SORT1: variants seen among roughly 807,000 people sequenced by gnomAD.
The protein encoded by SORT1 is sortilin 1.
SORT1 carries 39 observed loss-of-function variants against 101.7 expected under a neutral mutation model. The observed-to-expected ratio is 0.38, with a 90% CI of 0.30 to 0.50. The LOEUF is 0.50. Among genes scored for constraint, SORT1 ranks in the 20% least tolerant of loss-of-function variants. The probability of loss-of-function intolerance (pLI) is 0.90; values close to 1 mark genes in which losing one functional copy is unlikely to be tolerated. For missense variants in SORT1, 878 were observed against 1,040.4 expected, an observed-to-expected ratio of 0.84 and a Z score of 2.15; for synonymous variants, 396 against 393.7, an observed-to-expected ratio of 1.01 and a Z score of -0.07.
chr1:109,327,512 A>G lies in SORT1; in HGVS notation c.1461T>C (p.Ile487=), dbSNP rs372753900. Residue 487 remains isoleucine (I), a synonymous_variant, in exon 12 of 20, where the codon ATT becomes ATC. Coordinates refer to ENST00000256637, the MANE Select transcript of SORT1 (RefSeq NM_002959.7). Reference sequence around the variant, plus strand: ...GAGGTTCCTTACCATGAGCAATGACAATGCCTACGGCATTCGGCTCTGAGA... The same window carrying G: ...GAGGTTCCTTACCATGAGCAATGACGATGCCTACGGCATTCGGCTCTGAGA... ...APLSEPNAVG[I]VIAHGSVGDA... 3.7e-6 allele frequency: 6 copies of G among 1,604,786 alleles called. No homozygotes were observed. The African/African-American group carries it at 8.1e-5, about 22-fold the overall frequency.
intron 1 of SORT1, among the ~76,000 whole-genome samples, chr1:109,382,116 C>T (rs945593499): frequency 6.6e-6 from 1 of 151,708 alleles, no homozygotes; most frequent in African/African-American, 2.4e-5. Context: ...ATAAAAAGTA[C>T]ACATAGACCA....
intron 8 of SORT1, among the ~76,000 whole-genome samples, chr1:109,344,458 C>T (rs1196631564): frequency 6.6e-6 from 1 of 152,170 alleles, no homozygotes; most frequent in Non-Finnish European, 1.5e-5. Flanking sequence ...CCCCATACTG[C>T]CCTTCTCCCC....
chr1:109,395,866 G>C (rs911761066), intron 1 of SORT1, among the ~76,000 whole-genome samples: 1 of 152,104 alleles, frequency 6.6e-6, no homozygotes, highest in African/African-American at 2.4e-5. Flanking sequence ...CTTGAGCCCA[G>C]GAGTTCAAGA....
At chr1:109,384,359 T>C (rs1339512312) in intron 1 of SORT1, among the ~76,000 whole-genome samples, 2 of 152,104 alleles carry the variant, frequency 1.3e-5, no homozygotes, top group African/African-American at 2.4e-5. Flanking sequence ...TTTCTCAGCA[T>C]AGAGAGGAAG....
chr1:109,393,269 G>A, intron 1 of SORT1: 1 of 985,368 alleles, frequency 1.0e-6, no homozygotes, highest in Non-Finnish European at 1.2e-6. Flanking sequence ...TAGAAGTTGG[G>A]AAGTTATGTT....
At chr1:109,369,395 C>A (rs1453697135) in intron 2 of SORT1, 135 bp downstream of exon 2, 3 of 645,710 alleles carry the variant, frequency 4.6e-6, no homozygotes, top group Non-Finnish European at 8.5e-6. Context: ...GAAAGTCTGT[C>A]TTGCAAACAT....
intron 3 of SORT1, among the ~76,000 whole-genome samples, chr1:109,362,586 G>A (rs886670309): frequency 6.6e-6 from 1 of 151,948 alleles, no homozygotes; most frequent in Non-Finnish European, 1.5e-5. Flanking sequence ...ATTGGGAAAG[G>A]ATACATGTTT....
intron 7 of SORT1, 50 bp from the exon 8 acceptor site, chr1:109,345,931 G>C: frequency 6.8e-7 from 1 of 1,473,840 alleles, no homozygotes; most frequent in South Asian, 1.2e-5. Flanking sequence ...GGTGAGCCTA[G>C]TTCAAAGCAG....
intron 13 of SORT1, 89 bp downstream of exon 13, chr1:109,326,903 T>C (rs958092150): frequency 3.0e-6 from 3 of 1,001,742 alleles, no homozygotes; most frequent in Middle Eastern, 3.5e-4. Context: ...ATTTGAATTA[T>C]AGTCTGTAAC....
At chr1:109,377,523 A>G (rs79294873) in intron 1 of SORT1, among the ~76,000 whole-genome samples, 84 of 152,334 alleles carry the variant, frequency 5.5e-4, no homozygotes, top group African/African-American at 2.0e-3. Context: ...AGACACTGTT[A>G]TACACTGGTA....
intron 13 of SORT1, among the ~76,000 whole-genome samples, chr1:109,326,442 T>C (rs1342518210): frequency 4.3e-5 from 1 of 23,420 alleles, no homozygotes; most frequent in Non-Finnish European, 8.3e-5. Flanking sequence ...TATATATATA[T>C]ATATATATAT....
chr1:109,354,573 T>G (rs372752883), intron 4 of SORT1, 42 bp from the exon 5 acceptor site: 258 of 1,487,476 alleles, frequency 1.7e-4, no homozygotes, highest in Non-Finnish European at 2.3e-4. Flanking sequence ...TATGATACTA[T>G]CTATGCAAGC....
intron 3 of SORT1, among the ~76,000 whole-genome samples, 172 bp from the exon 4 acceptor site, chr1:109,355,641 A>ACCCCCCCCC (rs529686433): frequency 5.9e-5 from 5 of 84,148 alleles, no homozygotes; most frequent in South Asian, 5.0e-4. Flanking sequence ...AGAACATTCC[A>ACCCCCCCCC]CCCGCCCCCC....
At chr1:109,344,989 C>T (rs202119319) in intron 8 of SORT1, among the ~76,000 whole-genome samples, 3 of 152,114 alleles carry the variant, frequency 2.0e-5, no homozygotes, top group East Asian at 3.9e-4. Flanking sequence ...GAGCCACTAC[C>T]CCCAGCCTTC....
chr1:109,355,577 G>A (rs943377227), intron 3 of SORT1, 108 bp from the exon 4 acceptor site: 12 of 606,254 alleles, frequency 2.0e-5, no homozygotes, highest in Non-Finnish European at 3.3e-5. Flanking sequence ...TGAGAGACTC[G>A]GCTCACCCTG....
intron 10 of SORT1, among the ~76,000 whole-genome samples, chr1:109,337,149 T>C (rs1188908173): frequency 6.6e-6 from 1 of 152,236 alleles, no homozygotes; most frequent in East Asian, 1.9e-4. Context: ...ACCTTTCTTT[T>C]TTCCCTCGTC....
At chr1:109,325,530 G>A (rs914143272) in intron 13 of SORT1, among the ~76,000 whole-genome samples, 9 of 151,900 alleles carry the variant, frequency 5.9e-5, no homozygotes, top group African/African-American at 1.9e-4. Context: ...GTGAGCCACC[G>A]CACCCAGCCA....
intron 16 of SORT1, 87 bp downstream of exon 16, chr1:109,317,766 G>C: frequency 1.1e-6 from 1 of 910,252 alleles, no homozygotes; most frequent in Non-Finnish European, 1.8e-6. Context: ...CTAAAGTAGG[G>C]CTTGGATCTC....
At chr1:109,351,717 G>C (rs866648334) in intron 5 of SORT1, among the ~76,000 whole-genome samples, 2 of 152,232 alleles carry the variant, frequency 1.3e-5, no homozygotes, top group African/African-American at 4.8e-5. Context: ...GGAGGAATGT[G>C]TGCTAAGCAG....
Sources: allele counts gnomAD v4.1 joint callset (sites outside exome capture counted in the v4.1 genomes callset), GRCh38; gene constraint gnomAD v4.1.1; transcripts MANE v1.5; gene names NCBI Gene and HGNC (gene_info 2026-07-23, HGNC 2026-07-21).